LDAH: variants seen among roughly 807,000 people sequenced by gnomAD.
LDAH encodes the protein lipid droplet-associated hydrolase.
Under a neutral mutation model 29.6 loss-of-function variants are expected in LDAH, and 26 were observed. The ratio of observed to expected loss-of-function variants is 0.88; its 90% CI spans 0.64 to 1.22. The LOEUF (loss-of-function observed/expected upper bound fraction) is 1.22, where lower values mean the gene tolerates loss of function less well. LDAH is among the 50% of genes most tolerant of loss of function. The pLI is 0.00. For missense variants in LDAH, 344 were observed against 387.3 expected (o/e 0.89, Z 0.94); for synonymous variants, 117 against 133.0 (o/e 0.88, Z 0.83).
chr2:20,703,454 C>A (rs920336765), intron 5 of LDAH, among the ~76,000 whole-genome samples: 4 of 152,154 alleles, frequency 2.6e-5, no homozygotes, highest in African/African-American at 9.7e-5. Flanking sequence ...CCTACCATTC[C>A]TTCCTGCCAT....
At position 20,717,003 on chromosome 2, in the gene LDAH, A is replaced by T. The variant is rs370295130; in HGVS notation, c.704-15351T>A. On this transcript the variant is annotated intron_variant, in intron 5 of 6. Transcript: ENST00000237822. Reference sequence around the variant, plus strand: ...ATTTGTTACACAGCAAGAAAAAATTAATAAATGGTCTTTTCACTAAATGAT... The same window carrying T: ...ATTTGTTACACAGCAAGAAAAAATTTATAAATGGTCTTTTCACTAAATGAT... Among the ~76,000 whole-genome samples the T allele has an allele frequency of 1.5e-3, 228 of 152,296 alleles. 4 individuals are homozygous for T. In the South Asian group the frequency reaches 0.043, roughly 29 times the overall value.
At position 20,685,456 on chromosome 2, in the gene LDAH, C is replaced by T. The variant is rs1479845645; in HGVS notation, c.*1447G>A. On this transcript the variant is annotated 3_prime_UTR_variant, in exon 7 of 7. Transcript: ENST00000237822. ...CTCTTCCCCTTGGGCTAACAGCACT[C>T]CTTGTCTGGAGCTTGGCTTTTCCCC... 1 of 1,493,218 alleles carries T rather than the reference C, an allele frequency of 6.7e-7. No individual in the cohort carries two copies. The highest frequency in any genetic ancestry group is 9.0e-7 in the Non-Finnish European group (1 of 1,115,846). The allele number at this position is 1,493,218 out of a possible 1,614,324, so 92.5% of individuals were successfully genotyped here.
chr2:20,768,398 A>C (rs897359350), intron 4 of LDAH, among the ~76,000 whole-genome samples: 2 of 152,140 alleles, frequency 1.3e-5, no homozygotes, highest in African/African-American at 4.8e-5. Context: ...AGCTGCTTAC[A>C]GTGTGCCTGG....
chr2:20,739,353 T>C (rs1045157267), intron 5 of LDAH, among the ~76,000 whole-genome samples: 2 of 152,212 alleles, frequency 1.3e-5, no homozygotes, highest in East Asian at 1.9e-4. Context: ...GATTACTTTA[T>C]TATGAAAGTC....
rs1215500723 is a variant in LDAH, at chr2:20,685,546, C to A, written c.*1357G>T. The A allele has an allele frequency of 2.6e-6, 4 of 1,550,132 alleles. No homozygotes were observed. In the African/African-American group the frequency reaches 4.1e-5, roughly 16 times the overall value. On this transcript the variant is annotated 3_prime_UTR_variant, in exon 7 of 7. Transcript: ENST00000237822. ...AGCACAGTAACTCATTCAGCACTTA[C>A]CAATAAGTTGGCAGCAAATCAGAGC...
chr2:20,747,860 TC>T (rs1388405805), intron 4 of LDAH, among the ~76,000 whole-genome samples: 5 of 152,094 alleles, frequency 3.3e-5, no homozygotes, highest in Non-Finnish European at 7.4e-5. Context: ...GTTCCCTCAT[TC>T]CACTGAAGAG....
chr2:20,810,066 G>A (rs1672365682), intron 1 of LDAH, among the ~76,000 whole-genome samples: 1 of 152,218 alleles, frequency 6.6e-6, no homozygotes, highest in African/African-American at 2.4e-5. Flanking sequence ...CTATGCTTAT[G>A]GATTCTGTGG....
intron 5 of LDAH, among the ~76,000 whole-genome samples, chr2:20,730,900 A>C (rs1374613803): frequency 6.6e-6 from 1 of 152,186 alleles, no homozygotes; most frequent in African/African-American, 2.4e-5. Context: ...CCATTGATTT[A>C]TGTATTAATC....
intron 4 of LDAH, among the ~76,000 whole-genome samples, chr2:20,755,127 G>GTT (rs59195762): frequency 1.3e-4 from 8 of 60,740 alleles, no homozygotes; most frequent in Non-Finnish European, 3.1e-4. Flanking sequence ...GTGTGTCTGT[G>GTT]TTTGTGTGTG....
chr2:20,740,920 T>G (rs998322737), intron 4 of LDAH, among the ~76,000 whole-genome samples: 5 of 152,334 alleles, frequency 3.3e-5, no homozygotes, highest in Middle Eastern at 3.4e-3. Context: ...CTGCTGTTTC[T>G]ATATCCTTTT....
chr2:20,780,915 C>G (rs1406083527), intron 3 of LDAH, among the ~76,000 whole-genome samples: 1 of 152,120 alleles, frequency 6.6e-6, no homozygotes, highest in Non-Finnish European at 1.5e-5. Context: ...TGTTGCCCTG[C>G]CACTCCCAGT....
At chr2:20,724,920 T>C (rs1350545953) in intron 5 of LDAH, among the ~76,000 whole-genome samples, 1 of 152,046 alleles carries the variant, frequency 6.6e-6, no homozygotes, top group African/African-American at 2.4e-5. Flanking sequence ...GAGGGACTTG[T>C]TGGTACTGAA....
chr2:20,708,037 T>C (rs572114646), intron 5 of LDAH, among the ~76,000 whole-genome samples: 2 of 152,168 alleles, frequency 1.3e-5, no homozygotes, highest in African/African-American at 2.4e-5. Context: ...TCAGATGGGA[T>C]TGTCTAGCTG....
chr2:20,776,208 C>T (rs1201947739), intron 3 of LDAH, among the ~76,000 whole-genome samples: 1 of 152,098 alleles, frequency 6.6e-6, no homozygotes, highest in Non-Finnish European at 1.5e-5. Context: ...AAAAACTACT[C>T]TTCTGTTTTG....
Position 20,745,929 on chromosome 2 carries a change from G to A in LDAH, c.469-5724C>T, listed in dbSNP as rs991845630. Among the ~76,000 whole-genome samples the A allele has an allele frequency of 2.6e-5, 4 of 152,276 alleles. No homozygotes were observed. The East Asian group carries it at 7.7e-4, about 29-fold the overall frequency. The stretch of plus-strand genomic sequence containing the variant: ...TTCAGGAAAGGCTTTGATGAAAGGT[G>A]ACATTTGTGCAAAGGCAGTTAGGGG... On this transcript the variant is annotated intron_variant, in intron 4 of 6. Transcript: ENST00000237822.
rs562971308 is a variant in LDAH, at chr2:20,690,435, G to T, written c.787-3341C>A. Among the ~76,000 whole-genome samples, 15 of 152,314 alleles carry T rather than the reference G, an allele frequency of 9.8e-5. No individual in the cohort carries two copies. In the South Asian group the frequency reaches 2.7e-3, roughly 27 times the overall value. ...GTTAAACGCCTAACTGATGATGGGG[G>T]TGGGCTCACGTTTTGTAAAATTTTG... On this transcript the variant is annotated intron_variant, in intron 6 of 6. Coordinates refer to ENST00000237822, the MANE Select transcript of LDAH (RefSeq NM_021925.4).
intron 6 of LDAH, among the ~76,000 whole-genome samples, chr2:20,694,709 G>A (rs996771332): frequency 6.6e-6 from 1 of 152,194 alleles, no homozygotes. Flanking sequence ...GGAGCGGTGG[G>A]AATGGGAGCG....
chr2:20,768,902 T>C (rs1443765552), intron 4 of LDAH, among the ~76,000 whole-genome samples: 1 of 152,162 alleles, frequency 6.6e-6, no homozygotes, highest in Non-Finnish European at 1.5e-5. Context: ...CTCCATCTCA[T>C]TTTCCTTTTC....
chr2:20,697,122 T>TGCATGTCCCACTG (rs562573224), intron 6 of LDAH, among the ~76,000 whole-genome samples: 90 of 151,974 alleles, frequency 5.9e-4, no homozygotes, highest in African/African-American at 2.2e-3. Flanking sequence ...CGGATCCACT[T>TGCATGTCCCACTG]GCATGTCCCA....
Sources: allele counts gnomAD v4.1 joint callset (sites outside exome capture counted in the v4.1 genomes callset), GRCh38; gene constraint gnomAD v4.1.1; transcripts MANE v1.5; gene names NCBI Gene and HGNC (gene_info 2026-07-23, HGNC 2026-07-21).